The following CRACR2A variants were observed in gnomAD, a reference collection of about 807,000 sequenced individuals.
The protein encoded by CRACR2A is calcium release activated channel regulator 2A.
Under a neutral mutation model 90.5 loss-of-function variants are expected in CRACR2A, and 79 were observed. The ratio of observed to expected loss-of-function variants is 0.87; its 90% CI spans 0.73 to 1.05. The LOEUF (loss-of-function observed/expected upper bound fraction) is 1.05, where lower values mean the gene tolerates loss of function less well. Ranked by LOEUF, CRACR2A falls within the 50% of genes least tolerant of loss-of-function variation. The pLI is 0.00. For synonymous variants in CRACR2A, 338 were observed against 356.7 expected (o/e 0.95, Z 0.59); for missense variants, 823 against 897.2 (o/e 0.92, Z 1.06).
At chr12:3,615,478 T>C in intron 19 of CRACR2A, 39 bp from the exon 20 acceptor site, 1 of 1,519,194 alleles carries the variant, frequency 6.6e-7, no homozygotes, top group South Asian at 1.3e-5. Context: ...GATGGAGAAG[T>C]TGATAGGCCC....
At position 3,746,826 on chromosome 12, in the gene CRACR2A, TCAA is replaced by T. The variant is rs1397822816; in HGVS notation, c.-387+6186_-387+6188del. Among the ~76,000 whole-genome samples, 2 of 152,048 alleles carry T rather than the reference TCAA, an allele frequency of 1.3e-5. No individual in the cohort carries two copies. Among genetic ancestry groups the T allele is most frequent in the Non-Finnish European group, 2.9e-5 (2 of 67,990 alleles). On this transcript the variant is annotated intron_variant, in intron 1 of 19. Transcript: ENST00000440314. The surrounding 1 kb of genome is among the most constrained non-coding windows in gnomAD (Gnocchi z 4.4). ...GGACCAACAAGGGGAGGAGTACATC[TCAA>T]CAAGTTGGTTGAGAAGGACCAACAA...
intron 4 of CRACR2A, among the ~76,000 whole-genome samples, chr12:3,687,984 CTTCT>C (rs2137656335): frequency 6.6e-6 from 1 of 152,116 alleles, no homozygotes; most frequent in East Asian, 1.9e-4. Context: ...ACATGTATGT[CTTCT>C]TTTGAAAAGT....
chr12:3,628,671 G>T (rs893560401), intron 15 of CRACR2A, among the ~76,000 whole-genome samples: 10 of 152,172 alleles, frequency 6.6e-5, no homozygotes, highest in Admixed American at 5.2e-4. Flanking sequence ...GTTTGCAAAG[G>T]CATAAAGAGG....
At chr12:3,678,072 T>C (rs73049123) in intron 6 of CRACR2A, among the ~76,000 whole-genome samples, 20,626 of 152,122 alleles carry the variant, frequency 0.14, 1,559 homozygotes, top group African/African-American at 0.18. Context: ...ACAGGAAACA[T>C]ACATCTAACC....
At chr12:3,752,842 G>T (rs1404898012) in intron 1 of CRACR2A, among the ~76,000 whole-genome samples, 173 bp downstream of exon 1, 1 of 151,950 alleles carries the variant, frequency 6.6e-6, no homozygotes, top group East Asian at 1.9e-4. Flanking sequence ...CCAGGCCTGG[G>T]GGTGGCAGGG....
intron 13 of CRACR2A, 26 bp from the exon 14 acceptor site, chr12:3,638,480 G>T: frequency 1.3e-6 from 2 of 1,502,786 alleles, no homozygotes; most frequent in South Asian, 2.6e-5. Context: ...AGAGAGAAGA[G>T]TTGGGAGGAT....
chr12:3,682,221 T>C (rs1382377190), intron 4 of CRACR2A, among the ~76,000 whole-genome samples: 1 of 152,198 alleles, frequency 6.6e-6, no homozygotes, highest in African/African-American at 2.4e-5. Context: ...CAGACTAGGA[T>C]TGCTGGATCT....
At chr12:3,667,486 TC>T (rs1193514807) in intron 7 of CRACR2A, among the ~76,000 whole-genome samples, 2 of 152,050 alleles carry the variant, frequency 1.3e-5, no homozygotes, top group East Asian at 3.9e-4. Context: ...TGACTCCCAT[TC>T]CCCCATGTTA....
intron 4 of CRACR2A, among the ~76,000 whole-genome samples, chr12:3,690,638 G>T (rs1565490944): frequency 6.6e-6 from 1 of 152,198 alleles, no homozygotes; most frequent in South Asian, 2.1e-4. Flanking sequence ...ATGTTCTGTT[G>T]TTTGGGGGTG....
intron 8 of CRACR2A, among the ~76,000 whole-genome samples, chr12:3,657,742 C>T (rs1283795015): frequency 6.6e-6 from 1 of 152,132 alleles, no homozygotes. Flanking sequence ...CTGGGAGCAG[C>T]GAGCGGCTCC....
Position 3,638,364 on chromosome 12 carries a change from T to C in CRACR2A, c.1362A>G (p.Gly454=). The part of the protein sequence containing the change: ...SGYPLTEEEP[G]TGEPGPGGPY... ...GACCCCCAGGCCCTGGCTCCCCGGTTCCTGGCTCCTCTTCTGTTAGGGGAT... is the reference window on the plus strand; with the variant it reads ...GACCCCCAGGCCCTGGCTCCCCGGTCCCTGGCTCCTCTTCTGTTAGGGGAT... Residue 454 remains glycine (G), a synonymous_variant, in exon 14 of 20, where the codon GGA becomes GGG. Transcript: ENST00000440314. 1 of 1,551,634 alleles carries C rather than the reference T, an allele frequency of 6.4e-7. No individual in the cohort carries two copies.
Position 3,645,238 on chromosome 12 carries a change from G to A in CRACR2A, c.1119-598C>T, listed in dbSNP as rs116741447. Among the ~76,000 whole-genome samples, 343 of 152,290 alleles carry A rather than the reference G, an allele frequency of 2.3e-3. 3 individuals are homozygous for A. Among genetic ancestry groups the A allele is most frequent in the African/African-American group, 7.7e-3 (320 of 41,546 alleles). On this transcript the variant is annotated intron_variant, in intron 11 of 19. Transcript: ENST00000440314. ...TATTTCAACTACAGTGGTCAGTGAC[G>A]CCCTCACTAATAAGACAGCATTTGC...
chr12:3,707,672 C>G (rs930604000), intron 3 of CRACR2A, among the ~76,000 whole-genome samples: 10 of 152,216 alleles, frequency 6.6e-5, no homozygotes, highest in African/African-American at 2.4e-4. Flanking sequence ...AAAAAAGTGT[C>G]TGCTTTCTTC....
chr12:3,719,641 G>A (rs1255281088), intron 2 of CRACR2A, among the ~76,000 whole-genome samples: 1 of 152,114 alleles, frequency 6.6e-6, no homozygotes, highest in Non-Finnish European at 1.5e-5. Context: ...TTCCCTCTGA[G>A]ATATTTAATA....
At chr12:3,663,135 G>A (rs568426755) in intron 7 of CRACR2A, among the ~76,000 whole-genome samples, 12 of 152,036 alleles carry the variant, frequency 7.9e-5, no homozygotes, top group East Asian at 5.8e-4. Context: ...TTATAAACAC[G>A]CAGGCATTTA....
chr12:3,655,567 C>T lies in CRACR2A; in HGVS notation c.858+744G>A, dbSNP rs74055962. Among the ~76,000 whole-genome samples, 601 of 152,312 alleles carry T rather than the reference C, an allele frequency of 3.9e-3. 4 individuals are homozygous for T. The highest frequency in any genetic ancestry group is 0.013 in the African/African-American group (546 of 41,576). The stretch of plus-strand genomic sequence containing the variant: ...CACCAGGCACAACAAAACAGGAGGC[C>T]AGTGGCACCCTAGCCTGTCTCCCTC... On this transcript the variant is annotated intron_variant, in intron 9 of 19. Coordinates refer to ENST00000440314, the MANE Select transcript of CRACR2A (RefSeq NM_001144958.2).
chr12:3,654,456 C>T, intron 9 of CRACR2A, 57 bp from the exon 10 acceptor site: 4 of 1,498,636 alleles, frequency 2.7e-6, no homozygotes, highest in South Asian at 2.7e-5. Flanking sequence ...TTCAGGAGGG[C>T]CTGCCCTGGC....
At chr12:3,699,286 A>C (rs755035825) in intron 3 of CRACR2A, among the ~76,000 whole-genome samples, 74 of 152,156 alleles carry the variant, frequency 4.9e-4, no homozygotes, top group Non-Finnish European at 2.2e-4. Context: ...GAACGTCTTT[A>C]ATTCATTCAT....
At chr12:3,648,744 G>GGAGA in intron 10 of CRACR2A, 131 bp from the exon 11 acceptor site, 1 of 1,311,234 alleles carries the variant, frequency 7.6e-7, no homozygotes, top group Non-Finnish European at 1.0e-6. Flanking sequence ...GCCTCCTCCT[G>GGAGA]GAGAGCTCCT....
Sources: gnomAD v4.1 joint callset for allele counts (sites outside exome capture counted in the v4.1 genomes callset) on GRCh38, gnomAD v4.1.1 for gene constraint, Gnocchi (gnomAD v3.1) non-coding constraint, MANE v1.5 for transcripts, NCBI Gene and HGNC (gene_info 2026-07-23, HGNC 2026-07-21) for gene names.